Variants in KLHL13 observed in about 807,000 individuals in gnomAD.
KLHL13 encodes the protein kelch-like protein 13.
In KLHL13, 10 loss-of-function variants were observed where a neutral mutation model predicts 37.1. The observed-to-expected ratio is 0.27, with a 90% CI of 0.17 to 0.46. The LOEUF (loss-of-function observed/expected upper bound fraction) is 0.46, where lower values mean the gene tolerates loss of function less well. Among genes scored for constraint, KLHL13 ranks in the 20% least tolerant of loss-of-function variants. The pLI, the probability that KLHL13 is intolerant of heterozygous loss-of-function variation, is 1.00. For missense variants in KLHL13, 360 were observed against 509.3 expected (o/e 0.71, Z 2.82); for synonymous variants, 163 against 181.2 (o/e 0.90, Z 0.81).
At chrX:117,975,271 C>T (rs181137338), upstream of KLHL13, among the ~76,000 whole-genome samples, 9,505 of 111,344 alleles carry the variant, frequency 0.085, 359 homozygotes, top group African/African-American at 0.14. Context: ...AACAAATTTT[C>T]AAAACCCGAA....
chrX:117,930,371 A>G (rs1054599970), intron 2 of KLHL13, among the ~76,000 whole-genome samples: 28 of 109,322 alleles, frequency 2.6e-4, no homozygotes, highest in African/African-American at 9.0e-4. Flanking sequence ...GCTTATTTAT[A>G]GGCAAAATGA....
chrX:117,924,078 A>C (rs1256829478), intron 2 of KLHL13, among the ~76,000 whole-genome samples: 1 of 112,116 alleles, frequency 8.9e-6, no homozygotes, highest in Non-Finnish European at 1.9e-5. Flanking sequence ...TTATATGCAT[A>C]AATGAATGAC....
chrX:117,922,380 A>C (rs1931758629), intron 2 of KLHL13, among the ~76,000 whole-genome samples: 3 of 111,662 alleles, frequency 2.7e-5, no homozygotes, highest in African/African-American at 9.8e-5. Context: ...ATCAGCTGAA[A>C]CAGTTGAGAG....
At chrX:118,043,577 T>C (rs757790463) in intron 1 of KLHL13, among the ~76,000 whole-genome samples, 2 of 111,945 alleles carry the variant, frequency 1.8e-5, no homozygotes, top group Admixed American at 1.9e-4. Flanking sequence ...GCAAGGATGG[T>C]TCAACATACA....
chrX:117,993,320 T>C (rs2053815684), intron 1 of KLHL13, among the ~76,000 whole-genome samples: 1 of 111,600 alleles, frequency 9.0e-6, no homozygotes, highest in African/African-American at 3.3e-5. Context: ...GGAGACAAAA[T>C]TGACAGGATT....
chrX:118,016,370 C>A (rs751450374), intron 1 of KLHL13, among the ~76,000 whole-genome samples: 3 of 111,355 alleles, frequency 2.7e-5, no homozygotes, highest in Non-Finnish European at 5.7e-5. Flanking sequence ...ATTCAGTTAG[C>A]CTACTTTACA....
chrX:118,094,155 G>A (rs1057076722), intron 1 of KLHL13, among the ~76,000 whole-genome samples: 4 of 110,492 alleles, frequency 3.6e-5, no homozygotes, highest in African/African-American at 1.3e-4. Context: ...AAAATTAGAT[G>A]AATGGCTAAC....
chrX:117,911,435 T>C (rs977257263), intron 4 of KLHL13, among the ~76,000 whole-genome samples: 26 of 112,130 alleles, frequency 2.3e-4, no homozygotes, highest in African/African-American at 8.1e-4. Flanking sequence ...TTATGGGATA[T>C]ACATGCAGAA....
At chrX:118,092,080 G>C (rs2055142986) in intron 1 of KLHL13, among the ~76,000 whole-genome samples, 1 of 111,436 alleles carries the variant, frequency 9.0e-6, no homozygotes, top group African/African-American at 3.3e-5. Flanking sequence ...GGGTGGCAAG[G>C]GATAAAAGAC....
chrX:118,041,461 C>T (rs1049768524), intron 1 of KLHL13, among the ~76,000 whole-genome samples: 1 of 110,939 alleles, frequency 9.0e-6, no homozygotes, highest in Non-Finnish European at 1.9e-5. Context: ...CAGGAGGTCT[C>T]GAGGCTACAG....
chrX:117,940,810 C>T (rs2147784899), intron 2 of KLHL13, among the ~76,000 whole-genome samples: 1 of 111,968 alleles, frequency 8.9e-6, no homozygotes, highest in East Asian at 2.8e-4. Flanking sequence ...TGAGACTTTG[C>T]TGAAGTTGCT....
chrX:118,001,534 C>T (rs1342686942), intron 1 of KLHL13, among the ~76,000 whole-genome samples: 1 of 111,223 alleles, frequency 9.0e-6, no homozygotes, highest in African/African-American at 3.3e-5. Flanking sequence ...AAGGCTAAAT[C>T]CTGATTGTCA....
intron 1 of KLHL13, among the ~76,000 whole-genome samples, chrX:118,070,987 A>G (rs1396456341): frequency 1.3e-4 from 14 of 105,442 alleles, no homozygotes; most frequent in Admixed American, 5.3e-4. Flanking sequence ...GTTCCCACCT[A>G]TGAGTGAGAA....
exon 7 of KLHL13, chrX:117,899,194 G>A: frequency 1.1e-5 from 13 of 1,211,407 alleles, no homozygotes; most frequent in African/African-American, 1.7e-5. Context: ...AAGGATAGGT[G>A]AATAGTATTC....
exon 5 of KLHL13, chrX:117,909,825 T>C (rs763769847): frequency 1.1e-5 from 13 of 1,210,773 alleles, no homozygotes; most frequent in Middle Eastern, 2.3e-4. Flanking sequence ...AAATCGTATG[T>C]TCTTCATTAA....
intron 1 of KLHL13, among the ~76,000 whole-genome samples, chrX:117,967,948 AT>A (rs755457835): frequency 6.5e-4 from 73 of 111,515 alleles, no homozygotes; most frequent in African/African-American, 2.0e-3. Context: ...ATTAAAAAAA[AT>A]AATATAATCT....
intron 4 of KLHL13, among the ~76,000 whole-genome samples, chrX:117,913,278 T>C (rs190847536): frequency 4.5e-5 from 5 of 112,069 alleles, no homozygotes; most frequent in African/African-American, 1.6e-4. Context: ...GATACATGTG[T>C]TTGTTTATCC....
At chrX:117,979,513 C>T (rs898221145) in intron 1 of KLHL13, among the ~76,000 whole-genome samples, 7 of 111,058 alleles carry the variant, frequency 6.3e-5, no homozygotes, top group African/African-American at 2.3e-4. Context: ...ATTCCTGGCC[C>T]GTTGGAAAGC....
chrX:117,972,927 C>T (rs2053548509), exon 1 of KLHL13: 2 of 1,116,011 alleles, frequency 1.8e-6, no homozygotes, highest in East Asian at 6.4e-5. Flanking sequence ...GCAGTGGCTG[C>T]CGCGGAGAAC....
Sources: allele counts gnomAD v4.1 joint callset (sites outside exome capture counted in the v4.1 genomes callset), GRCh38; gene constraint gnomAD v4.1.1; transcripts MANE v1.5; gene names NCBI Gene and HGNC (gene_info 2026-07-23, HGNC 2026-07-21).